Variants in WWOX observed in about 807,000 individuals in gnomAD.
WWOX encodes WW domain-containing oxidoreductase.
A neutral mutation model predicts 46.2 loss-of-function variants in WWOX; 69 were observed. That is an observed-to-expected ratio of 1.49 (90% CI 1.23 to 1.82). The LOEUF is 1.82. Ranked by LOEUF, WWOX falls within the 40% of genes most tolerant of loss-of-function variation. The pLI is 0.00. For missense variants in WWOX, 919 were observed against 542.6 expected (o/e 1.69, Z -6.89); for synonymous variants, 359 against 202.6 (o/e 1.77, Z -6.56).
chr16:79,133,102 T>C (rs1048064651), intron 8 of WWOX, among the ~76,000 whole-genome samples: 1 of 152,236 alleles, frequency 6.6e-6, no homozygotes, highest in Non-Finnish European at 1.5e-5. Context: ...TTCTAGTTTC[T>C]TCGTCTTACA....
At chr16:78,718,661 TCA>T (rs1211255449) in intron 8 of WWOX, among the ~76,000 whole-genome samples, 4 of 152,184 alleles carry the variant, frequency 2.6e-5, no homozygotes, top group African/African-American at 9.6e-5. Context: ...TGAGCTATGA[TCA>T]CACCACAGCA....
chr16:78,498,581 C>T (rs1010585508), intron 8 of WWOX, among the ~76,000 whole-genome samples: 1 of 152,168 alleles, frequency 6.6e-6, no homozygotes, highest in East Asian at 1.9e-4. Context: ...TAATGAGCAA[C>T]ACACAAGGAT....
chr16:78,402,975 C>G (rs1054211064), intron 6 of WWOX, among the ~76,000 whole-genome samples: 1 of 152,114 alleles, frequency 6.6e-6, no homozygotes, highest in African/African-American at 2.4e-5. Flanking sequence ...CCCAGAAAGT[C>G]CCAGAGGATG....
chr16:79,001,438 T>G (rs1388326075), intron 8 of WWOX, among the ~76,000 whole-genome samples: 1 of 152,134 alleles, frequency 6.6e-6, no homozygotes, highest in African/African-American at 2.4e-5. Context: ...TGAAGCCAGA[T>G]ATTGGTGCCA....
At chr16:78,911,159 G>A (rs1473422283) in intron 8 of WWOX, among the ~76,000 whole-genome samples, 1 of 151,916 alleles carries the variant, frequency 6.6e-6, no homozygotes, top group Non-Finnish European at 1.5e-5. Flanking sequence ...TGTCAGAGTG[G>A]AAGGTGGCCC....
At chr16:78,195,016 A>G (rs942206342) in intron 5 of WWOX, among the ~76,000 whole-genome samples, 2 of 152,184 alleles carry the variant, frequency 1.3e-5, no homozygotes, top group Non-Finnish European at 2.9e-5. Flanking sequence ...GGCCTTGCTG[A>G]CATCTGAGTT....
intron 8 of WWOX, among the ~76,000 whole-genome samples, chr16:79,088,104 C>G (rs960861981): frequency 2.6e-5 from 4 of 152,160 alleles, no homozygotes; most frequent in African/African-American, 7.2e-5. Context: ...GTACTCTTGA[C>G]TCTCTCAGGC....
chr16:78,918,633 C>A (rs557937078), intron 8 of WWOX, among the ~76,000 whole-genome samples: 1 of 152,242 alleles, frequency 6.6e-6, no homozygotes, highest in African/African-American at 2.4e-5. Flanking sequence ...AGTTTTATTA[C>A]TAATGATAAT....
intron 8 of WWOX, among the ~76,000 whole-genome samples, chr16:78,813,264 A>T (rs1035093686): frequency 3.3e-5 from 5 of 151,792 alleles, no homozygotes; most frequent in African/African-American, 1.2e-4. Flanking sequence ...TTTTCATTTA[A>T]TTTTTTTTCC....
intron 8 of WWOX, chr16:79,016,355 C>T (rs996266947): frequency 6.6e-6 from 1 of 152,202 alleles, no homozygotes; most frequent in African/African-American, 2.4e-5. Context: ...AGTCTTCTTC[C>T]CATTGCATGT....
At chr16:78,734,071 A>C (rs1401256457) in intron 8 of WWOX, among the ~76,000 whole-genome samples, 4 of 151,818 alleles carry the variant, frequency 2.6e-5, no homozygotes, top group Non-Finnish European at 2.9e-5. Context: ...AAAAAAAAAA[A>C]CACAAAAAAC....
At chr16:78,386,218 C>T (rs2082057102) in intron 5 of WWOX, among the ~76,000 whole-genome samples, 1 of 152,126 alleles carries the variant, frequency 6.6e-6, no homozygotes, top group African/African-American at 2.4e-5. Flanking sequence ...TGCAAATGTC[C>T]AGCCCGTGGC....
intron 8 of WWOX, among the ~76,000 whole-genome samples, chr16:79,081,831 A>C (rs941869063): frequency 2.6e-5 from 4 of 152,062 alleles, no homozygotes; most frequent in Non-Finnish European, 4.4e-5. Context: ...TGAGTGACAA[A>C]GCAGATTGCT....
At chr16:79,003,048 C>A (rs1051892640) in intron 8 of WWOX, among the ~76,000 whole-genome samples, 1 of 152,194 alleles carries the variant, frequency 6.6e-6, no homozygotes, top group Non-Finnish European at 1.5e-5. Flanking sequence ...CCTCACAGCA[C>A]ATTTCAGGAG....
intron 6 of WWOX, among the ~76,000 whole-genome samples, chr16:78,418,883 AT>A (rs1319839900): frequency 6.6e-6 from 1 of 152,190 alleles, no homozygotes; most frequent in African/African-American, 2.4e-5. Context: ...GGATCAAGAA[AT>A]AAGACAAGGA....
At chr16:78,649,229 A>G (rs985821267) in intron 8 of WWOX, among the ~76,000 whole-genome samples, 30 of 152,068 alleles carry the variant, frequency 2.0e-4, no homozygotes, top group Non-Finnish European at 2.1e-4. Context: ...AAATGATCCA[A>G]CCGCCTCGGA....
At chr16:78,312,236 C>T (rs958902705) in intron 5 of WWOX, among the ~76,000 whole-genome samples, 2 of 150,766 alleles carry the variant, frequency 1.3e-5, no homozygotes, top group African/African-American at 2.4e-5. Context: ...GGCGTAGTCT[C>T]GATTTTATTT....
chr16:78,484,300 AT>A (rs2084573999), intron 8 of WWOX, among the ~76,000 whole-genome samples: 1 of 152,144 alleles, frequency 6.6e-6, no homozygotes, highest in Non-Finnish European at 1.5e-5. Context: ...GAAATTGTAG[AT>A]TATTTTCATC....
chr16:78,757,151 T>A, intron 8 of WWOX: 1 of 623,468 alleles, frequency 1.6e-6, no homozygotes, highest in South Asian at 1.8e-5. Context: ...CTCACAAGTT[T>A]CTGCACCACA....
Sources: gnomAD v4.1 joint callset for allele counts (sites outside exome capture counted in the v4.1 genomes callset) on GRCh38, gnomAD v4.1.1 for gene constraint, MANE v1.5 for transcripts, NCBI Gene and HGNC (gene_info 2026-07-23, HGNC 2026-07-21) for gene names.